FRAS1: variants seen among roughly 807,000 people sequenced by gnomAD.
FRAS1 encodes the protein extracellular matrix organizing protein FRAS1.
FRAS1 carries 290 observed loss-of-function variants against 435.2 expected under a neutral mutation model. That is an observed-to-expected ratio of 0.67 (90% confidence interval 0.61 to 0.73). The LOEUF is 0.73. Ranked by LOEUF, FRAS1 falls within the 30% of genes least tolerant of loss-of-function variation. The probability of loss-of-function intolerance (pLI) is 0.00; values close to 1 mark genes in which losing one functional copy is unlikely to be tolerated. For synonymous variants in FRAS1, 1,800 were observed against 1,851.0 expected (o/e 0.97, Z 0.71); for missense variants, 4,860 against 5,001.5 (o/e 0.97, Z 0.85).
intron 14 of FRAS1, among the ~76,000 whole-genome samples, chr4:78,289,943 T>A (rs1234775136): frequency 1.3e-5 from 2 of 152,192 alleles, no homozygotes; most frequent in East Asian, 1.9e-4. Flanking sequence ...TTGAGTCATC[T>A]TAAAAACTCA....
At position 78,448,263 on chromosome 4, in the gene FRAS1, C is replaced by T; in HGVS notation, c.6221C>T (p.Pro2074Leu). ...TGRMKIYTEL[P>L]ASDTPHLAIN... ...AGGATGAAGATCTACACAGAACTGCCTGCAAGTGACACACCTCACTTGGCT... is the reference window on the plus strand; with the variant it reads ...AGGATGAAGATCTACACAGAACTGCTTGCAAGTGACACACCTCACTTGGCT... Residue 2074 changes from proline (P) to leucine (L), a missense_variant, in exon 44 of 74, where the codon CCT (proline) becomes CTT (leucine). Pro to Leu is a moderately conservative substitution (Grantham distance 98). Transcript: ENST00000512123. The T allele has an allele frequency of 1.2e-6, 2 of 1,612,604 alleles. No homozygotes were observed. The highest frequency in any genetic ancestry group is 1.7e-6 in the Non-Finnish European group (2 of 1,179,590).
At chr4:78,357,620 G>A (rs929634924) in intron 20 of FRAS1, among the ~76,000 whole-genome samples, 2 of 152,046 alleles carry the variant, frequency 1.3e-5, no homozygotes, top group Admixed American at 6.6e-5. Context: ...GAACTTTTTC[G>A]GCCGGGTGAG....
intron 2 of FRAS1, among the ~76,000 whole-genome samples, chr4:78,143,899 G>A (rs375787212): frequency 2.9e-4 from 35 of 121,680 alleles, no homozygotes; most frequent in African/African-American, 1.0e-3. Flanking sequence ...GTGAGACCCT[G>A]TCTCAAAAAA....
At chr4:78,507,362 C>G in intron 61 of FRAS1, 59 bp from the exon 62 acceptor site, 1 of 1,469,730 alleles carries the variant, frequency 6.8e-7, no homozygotes, top group Non-Finnish European at 9.3e-7. Context: ...AAGCTGCACT[C>G]TCTTGGGTGT....
rs1348060356 is a variant in FRAS1, at chr4:78,337,745, T to G, written c.2350T>G (p.Ser784Ala). ...SDCISCYPHI[S>A]LTNGNCRTSC... ...CTGCATCTCCTGTTACCCTCACATC[T>G]CTCTTACCAATGGTAACTGCAGGAC... Residue 784 changes from serine to alanine, a missense_variant, in exon 20 of 74, where the codon TCT becomes GCT. Transcript: ENST00000512123. 1 of 1,613,778 alleles carries G rather than the reference T, an allele frequency of 6.2e-7. No homozygotes were observed. The highest frequency in any genetic ancestry group is 2.2e-5 in the East Asian group (1 of 44,866).
At chr4:78,387,739 T>A in intron 29 of FRAS1, 38 bp downstream of exon 29, 1 of 1,335,706 alleles carries the variant, frequency 7.5e-7, no homozygotes, top group Non-Finnish European at 1.0e-6. Flanking sequence ...TCTTTGCACC[T>A]AGATGTGAAC....
chr4:78,296,999 T>C (rs931249933), intron 14 of FRAS1, among the ~76,000 whole-genome samples: 1 of 152,016 alleles, frequency 6.6e-6, no homozygotes, highest in Non-Finnish European at 1.5e-5. Flanking sequence ...ACAGAAAAAA[T>C]TTTTCATTCA....
intron 63 of FRAS1, 43 bp downstream of exon 63, chr4:78,509,049 G>A: frequency 1.9e-6 from 3 of 1,590,170 alleles, no homozygotes; most frequent in Non-Finnish European, 2.6e-6. Context: ...CCCTGGGAGA[G>A]AACTGGTGTT....
At chr4:78,288,265 G>A (rs1472179068) in intron 14 of FRAS1, among the ~76,000 whole-genome samples, 1 of 152,158 alleles carries the variant, frequency 6.6e-6, no homozygotes, top group Non-Finnish European at 1.5e-5. Flanking sequence ...ATTATTGAAT[G>A]TCTTTACTCC....
Position 78,439,028 on chromosome 4 carries a change from T to C in FRAS1, c.5493T>C (p.Asn1831=). ...CCATCATGATCACTCCTGCTGAAAA[T>C]CCACCTCCAGTCATTGCTTTTGCTG... ...IFTIMITPAE[N]PPPVIAFADL... Residue 1831 remains asparagine, a synonymous_variant, in exon 40 of 74, where the codon AAT becomes AAC. Coordinates refer to ENST00000512123, the MANE Select transcript of FRAS1 (RefSeq NM_025074.7). 6.2e-7 allele frequency: 1 copy of C among 1,613,654 alleles called. No homozygotes were observed.
At chr4:78,068,002 T>C (rs1269110001) in intron 2 of FRAS1, among the ~76,000 whole-genome samples, 1 of 151,866 alleles carries the variant, frequency 6.6e-6, no homozygotes, top group Admixed American at 6.6e-5. Context: ...CTGAACCTCT[T>C]CAAGCCTGAG....
chr4:78,361,700 G>T (rs1181154126), intron 20 of FRAS1, among the ~76,000 whole-genome samples: 3 of 152,194 alleles, frequency 2.0e-5, no homozygotes, highest in Non-Finnish European at 4.4e-5. Context: ...GCAGGAATCT[G>T]TTTTACCAAC....
intron 20 of FRAS1, among the ~76,000 whole-genome samples, chr4:78,343,121 C>G (rs542209744): frequency 6.6e-5 from 10 of 152,216 alleles, no homozygotes; most frequent in African/African-American, 1.9e-4. Flanking sequence ...GGGATTGACT[C>G]GGTTACATAA....
intron 2 of FRAS1, among the ~76,000 whole-genome samples, chr4:78,236,588 A>G (rs1724773879): frequency 6.6e-6 from 1 of 152,122 alleles, no homozygotes; most frequent in South Asian, 2.1e-4. Flanking sequence ...AGCCCATGGG[A>G]TCTTTAGTGT....
intron 2 of FRAS1, among the ~76,000 whole-genome samples, chr4:78,123,842 G>T (rs958296583): frequency 2.6e-5 from 4 of 152,164 alleles, no homozygotes; most frequent in African/African-American, 9.7e-5. Flanking sequence ...TCTGATATTT[G>T]CTGAAGCTGC....
intron 22 of FRAS1, among the ~76,000 whole-genome samples, chr4:78,368,212 T>C (rs755003545): frequency 2.0e-5 from 3 of 150,766 alleles, no homozygotes; most frequent in Non-Finnish European, 4.4e-5. Context: ...TTTCTAATTA[T>C]TGAAAATAAT....
intron 25 of FRAS1, among the ~76,000 whole-genome samples, chr4:78,375,426 G>A (rs2110312979): frequency 6.6e-6 from 1 of 152,310 alleles, no homozygotes; most frequent in East Asian, 1.9e-4. Context: ...AAGGTTAGAG[G>A]AGGAAGCGTA....
chr4:78,126,719 T>G (rs1389821877), intron 2 of FRAS1, among the ~76,000 whole-genome samples: 1 of 152,192 alleles, frequency 6.6e-6, no homozygotes, highest in Non-Finnish European at 1.5e-5. Context: ...AATTTAAGTA[T>G]TTATATTTTT....
chr4:78,472,034 C>G, intron 51 of FRAS1, 146 bp from the exon 52 acceptor site: 1 of 802,014 alleles, frequency 1.2e-6, no homozygotes, highest in Non-Finnish European at 2.0e-6. Flanking sequence ...TTTTCATCCT[C>G]ATAGCCTCTC....
Sources: gnomAD v4.1 joint callset for allele counts (sites outside exome capture counted in the v4.1 genomes callset) on GRCh38, gnomAD v4.1.1 for gene constraint, MANE v1.5 for transcripts, NCBI Gene and HGNC (gene_info 2026-07-23, HGNC 2026-07-21) for gene names.